The following JARID2 variants were observed in gnomAD, a reference collection of about 807,000 sequenced individuals.
The protein encoded by JARID2 is protein Jumonji.
JARID2 carries 21 observed loss-of-function variants against 125.6 expected under a neutral mutation model. That is an observed-to-expected ratio of 0.17 (90% CI 0.12 to 0.24). The LOEUF is 0.24. Among genes scored for constraint, JARID2 ranks in the 10% least tolerant of loss-of-function variants. The probability of loss-of-function intolerance (pLI) is 1.00; values close to 1 mark genes in which losing one functional copy is unlikely to be tolerated. For missense variants in JARID2, 1,303 were observed against 1,639.6 expected (o/e 0.79, Z 3.55); for synonymous variants, 736 against 661.6 (o/e 1.11, Z -1.73).
chr6:15,390,250 T>C (rs1442093450), intron 2 of JARID2, among the ~76,000 whole-genome samples: 1 of 152,168 alleles, frequency 6.6e-6, no homozygotes, highest in Non-Finnish European at 1.5e-5. Context: ...GTTTCCATGC[T>C]CCTGAGCTGT....
At chr6:15,409,735 G>C (rs1400941780) in intron 2 of JARID2, among the ~76,000 whole-genome samples, 1 of 152,172 alleles carries the variant, frequency 6.6e-6, no homozygotes, top group Non-Finnish European at 1.5e-5. Context: ...AAAACAAGTG[G>C]AGTAGGATTT....
chr6:15,463,722 C>T (rs908049850), intron 4 of JARID2, among the ~76,000 whole-genome samples: 2 of 152,086 alleles, frequency 1.3e-5, no homozygotes, highest in African/African-American at 4.8e-5. Flanking sequence ...GTGAGCCACC[C>T]TGCCCAGCCT....
intron 1 of JARID2, among the ~76,000 whole-genome samples, chr6:15,262,259 T>G (rs565009490): frequency 2.0e-5 from 3 of 152,062 alleles, no homozygotes; most frequent in Non-Finnish European, 4.4e-5. Context: ...TCAAGTGATC[T>G]TCACCCCAGT....
intron 8 of JARID2, among the ~76,000 whole-genome samples, chr6:15,501,676 C>A (rs930664918): frequency 2.6e-5 from 4 of 152,128 alleles, no homozygotes; most frequent in Non-Finnish European, 4.4e-5. Context: ...TAGTGAGGGC[C>A]TTGTGGGTGC....
chr6:15,323,957 C>T (rs547832795), intron 1 of JARID2, among the ~76,000 whole-genome samples: 74 of 151,102 alleles, frequency 4.9e-4, no homozygotes, highest in African/African-American at 7.3e-4. Flanking sequence ...CTGAGGCGGG[C>T]GGATCACAAG....
intron 1 of JARID2, among the ~76,000 whole-genome samples, chr6:15,346,051 T>A (rs1301500273): frequency 1.3e-5 from 2 of 152,250 alleles, no homozygotes; most frequent in Non-Finnish European, 2.9e-5. Flanking sequence ...ATTCAGTGAT[T>A]TTTCCTGTCT....
At chr6:15,304,718 T>C (rs1247811159) in intron 1 of JARID2, among the ~76,000 whole-genome samples, 1 of 152,226 alleles carries the variant, frequency 6.6e-6, no homozygotes, top group Admixed American at 6.5e-5. Flanking sequence ...ATTTCTGCCC[T>C]GCATCCAGAG....
intron 3 of JARID2, among the ~76,000 whole-genome samples, chr6:15,447,233 C>T (rs1767712771): frequency 6.6e-6 from 1 of 152,170 alleles, no homozygotes; most frequent in African/African-American, 2.4e-5. Context: ...ATACTTCTTC[C>T]TCTGCTGGTT....
At chr6:15,315,003 A>G (rs1446242723) in intron 1 of JARID2, 1 of 152,224 alleles carries the variant, frequency 6.6e-6, no homozygotes, top group African/African-American at 2.4e-5. Flanking sequence ...TGACACAGAA[A>G]TTTGTGAAGC....
At chr6:15,310,989 G>C (rs1761990230) in intron 1 of JARID2, among the ~76,000 whole-genome samples, 1 of 152,160 alleles carries the variant, frequency 6.6e-6, no homozygotes, top group South Asian at 2.1e-4. Flanking sequence ...CCGTCATAGA[G>C]TGAATATGAG....
chr6:15,393,451 ACT>A (rs1206856430), intron 2 of JARID2, among the ~76,000 whole-genome samples: 2 of 152,026 alleles, frequency 1.3e-5, no homozygotes, highest in South Asian at 2.1e-4. Context: ...CTTGTGATTG[ACT>A]CTACTTCTGT....
At chr6:15,383,301 G>A (rs1283351505) in intron 2 of JARID2, among the ~76,000 whole-genome samples, 3 of 109,830 alleles carry the variant, frequency 2.7e-5, no homozygotes, top group Non-Finnish European at 5.7e-5. Flanking sequence ...TGCCCAGGTT[G>A]GGATTTTTTT....
intron 3 of JARID2, among the ~76,000 whole-genome samples, chr6:15,438,820 G>C (rs1178232898): frequency 1.3e-5 from 2 of 152,112 alleles, no homozygotes; most frequent in African/African-American, 4.8e-5. Context: ...CCTGAGGTCA[G>C]GAGTAAGAGA....
At chr6:15,468,500 G>T in intron 4 of JARID2, 42 bp from the exon 5 acceptor site, 1 of 1,547,292 alleles carries the variant, frequency 6.5e-7, no homozygotes, top group Non-Finnish European at 8.8e-7. Flanking sequence ...AAGGGTGAGG[G>T]TCAAGGCCTG....
intron 4 of JARID2, among the ~76,000 whole-genome samples, chr6:15,452,781 T>A (rs1175808876): frequency 6.6e-6 from 1 of 152,264 alleles, no homozygotes; most frequent in African/African-American, 2.4e-5. Flanking sequence ...TGTTGCAGTT[T>A]CCTTATTACT....
Position 15,496,647 on chromosome 6 carries a change from C to G in JARID2, c.1422C>G (p.Ala474=). The change falls in exon 7 of 18, where the codon GCC becomes GCG. Residue 474 remains alanine (A), a synonymous_variant. Transcript: ENST00000341776. ...CCGCCGAAGGCCCTGGCAAGAAGGC[C>G]CCGGCCGAGAGAGGTCTGCTGAACG... The part of the protein sequence containing the change: ...AGPAEGPGKK[A]PAERGLLNGH... 1 of 1,611,782 alleles carries G rather than the reference C, an allele frequency of 6.2e-7. No individual in the cohort carries two copies. Among genetic ancestry groups the G allele is most frequent in the Non-Finnish European group, 8.5e-7 (1 of 1,179,602 alleles).
At chr6:15,248,259 C>T (rs1434838328) in intron 1 of JARID2, 1 of 137,126 alleles carries the variant, frequency 7.3e-6, no homozygotes, top group Non-Finnish European at 1.6e-5. Context: ...TGGGCCGGGG[C>T]TGGGCGGGCG....
intron 1 of JARID2, among the ~76,000 whole-genome samples, chr6:15,331,327 T>C (rs1042488437): frequency 3.6e-5 from 5 of 138,768 alleles, no homozygotes; most frequent in African/African-American, 8.0e-5. Context: ...GAGAGAGAGA[T>C]CCTGCCTCAA....
At chr6:15,263,178 A>G (rs749956107) in intron 1 of JARID2, among the ~76,000 whole-genome samples, 25 of 151,616 alleles carry the variant, frequency 1.6e-4, no homozygotes, top group Non-Finnish European at 3.2e-4. Flanking sequence ...GGTGGCCAAG[A>G]GTGGTCTCAT....
Sources: gnomAD v4.1 joint callset for allele counts (sites outside exome capture counted in the v4.1 genomes callset) on GRCh38, gnomAD v4.1.1 for gene constraint, MANE v1.5 for transcripts, NCBI Gene and HGNC (gene_info 2026-07-23, HGNC 2026-07-21) for gene names.